The following PTPRT variants were observed in gnomAD, a reference collection of about 807,000 sequenced individuals.
The protein encoded by PTPRT is receptor-type tyrosine-protein phosphatase T.
A neutral mutation model predicts 176.8 loss-of-function variants in PTPRT; 56 were observed. The ratio of observed to expected loss-of-function variants is 0.32; its 90% CI spans 0.26 to 0.40. PTPRT has a LOEUF of 0.40. Among genes scored for constraint, PTPRT ranks in the 10% least tolerant of loss-of-function variants. PTPRT has a pLI of 1.00. For missense variants in PTPRT, 1,540 were observed against 1,908.2 expected (o/e 0.81, Z 3.60); for synonymous variants, 783 against 739.0 (o/e 1.06, Z -0.96).
At chr20:42,830,794 T>C (rs894589377) in intron 2 of PTPRT, among the ~76,000 whole-genome samples, 77 of 152,020 alleles carry the variant, frequency 5.1e-4, no homozygotes, top group African/African-American at 1.8e-3. Flanking sequence ...CCATTCACAA[T>C]TGCCACAAAA....
intron 9 of PTPRT, among the ~76,000 whole-genome samples, chr20:42,399,520 T>G (rs117106219): frequency 0.012 from 1,842 of 152,258 alleles, 16 homozygotes; most frequent in Non-Finnish European, 0.017. Flanking sequence ...AAAAATACAC[T>G]TACTCCTAGA....
intron 2 of PTPRT, among the ~76,000 whole-genome samples, chr20:42,845,264 G>T (rs184326788): frequency 5.0e-5 from 7 of 141,002 alleles, no homozygotes; most frequent in Admixed American, 1.5e-4. Context: ...AAGCTAAAGG[G>T]CTGTCTTGTG....
the PTPRT span, among the ~76,000 whole-genome samples, chr20:42,047,294 G>A: frequency 6.6e-6 from 1 of 152,162 alleles, no homozygotes; most frequent in Non-Finnish European, 1.5e-5. Flanking sequence ...TAGCAAATAG[G>A]AAACCTTGTT....
At chr20:43,150,147 G>A (rs1568813893) in intron 1 of PTPRT, among the ~76,000 whole-genome samples, 1 of 152,168 alleles carries the variant, frequency 6.6e-6, no homozygotes, top group Non-Finnish European at 1.5e-5. Flanking sequence ...AGAAGCCTGG[G>A]TAAGGCTGGG....
intron 27 of PTPRT, among the ~76,000 whole-genome samples, chr20:42,095,692 G>A (rs1159160315): frequency 1.3e-5 from 2 of 152,196 alleles, no homozygotes; most frequent in Non-Finnish European, 2.9e-5. Flanking sequence ...ATTAGAGAAT[G>A]TGTGTTGCTT....
chr20:43,070,302 G>A (rs1011940937), intron 1 of PTPRT, among the ~76,000 whole-genome samples: 4 of 152,176 alleles, frequency 2.6e-5, no homozygotes, highest in East Asian at 1.9e-4. Flanking sequence ...TTAGAATGGC[G>A]ATCATTAAAA....
intron 1 of PTPRT, among the ~76,000 whole-genome samples, chr20:42,893,169 A>G (rs898556494): frequency 5.9e-5 from 9 of 152,192 alleles, no homozygotes; most frequent in Non-Finnish European, 1.2e-4. Context: ...AATTTACAAG[A>G]AAAAAACAAC....
At chr20:42,708,686 T>C (rs2076098087) in intron 6 of PTPRT, among the ~76,000 whole-genome samples, 1 of 152,180 alleles carries the variant, frequency 6.6e-6, no homozygotes, top group Non-Finnish European at 1.5e-5. Context: ...CTTGAACAAG[T>C]TGCTTAACAT....
chr20:42,350,344 T>A (rs1163091069), intron 11 of PTPRT, among the ~76,000 whole-genome samples: 1 of 150,620 alleles, frequency 6.6e-6, no homozygotes, highest in Non-Finnish European at 1.5e-5. Flanking sequence ...TCTTTCCATA[T>A]CATCCTCTCG....
Position 42,080,941 on chromosome 20 carries a change from C to T in PTPRT, c.4273-9G>A, listed in dbSNP as rs189670814. The T allele has an allele frequency of 1.2e-4, 197 of 1,589,988 alleles. 2 individuals are homozygous for T. Among genetic ancestry groups the T allele is most frequent in the African/African-American group, 9.0e-4 (67 of 74,214 alleles). On this transcript the variant is annotated splice_polypyrimidine_tract_variant and intron_variant, in intron 30 of 30. Coordinates refer to ENST00000373187, the MANE Select transcript of PTPRT (RefSeq NM_007050.6). ...ACAAATTTATACTGTTCCTGAGAGG[C>T]GGAGAGGAGCAGAGGCAGAGAGGGA...
intron 1 of PTPRT, among the ~76,000 whole-genome samples, chr20:42,972,634 C>T (rs898690126): frequency 7.5e-6 from 1 of 133,604 alleles, no homozygotes; most frequent in South Asian, 2.5e-4. Flanking sequence ...CGTGTCCCTG[C>T]ACTCCAGCCT....
At chr20:42,206,695 G>A (rs1018678582) in intron 15 of PTPRT, among the ~76,000 whole-genome samples, 2 of 152,212 alleles carry the variant, frequency 1.3e-5, no homozygotes, top group Non-Finnish European at 2.9e-5. Context: ...AGGTGGCAGC[G>A]AGGCTGGGGG....
At chr20:43,173,101 C>G (rs571752042) in intron 1 of PTPRT, among the ~76,000 whole-genome samples, 1 of 151,940 alleles carries the variant, frequency 6.6e-6, no homozygotes. Flanking sequence ...CTCGAACTCC[C>G]GACCTCAGGT....
intron 22 of PTPRT, among the ~76,000 whole-genome samples, chr20:42,112,352 A>AC (rs1568942702): frequency 6.6e-6 from 1 of 152,104 alleles, no homozygotes; most frequent in East Asian, 1.9e-4. Flanking sequence ...CTGAACAGGA[A>AC]CCCCCCTCCC....
At chr20:42,995,231 G>A (rs1984156354) in intron 1 of PTPRT, among the ~76,000 whole-genome samples, 1 of 152,168 alleles carries the variant, frequency 6.6e-6, no homozygotes, top group Admixed American at 6.5e-5. Context: ...AGAAGTTCAG[G>A]AGCAGCTTAT....
chr20:42,297,563 G>A (rs1189718200), intron 12 of PTPRT, among the ~76,000 whole-genome samples: 1 of 152,144 alleles, frequency 6.6e-6, no homozygotes, highest in African/African-American at 2.4e-5. Context: ...CATGCAAGAA[G>A]AGCTAGAAAC....
intron 18 of PTPRT, among the ~76,000 whole-genome samples, chr20:42,140,554 C>T (rs1249407241): frequency 6.6e-6 from 1 of 152,208 alleles, no homozygotes; most frequent in Non-Finnish European, 1.5e-5. Flanking sequence ...ACCTGTCACA[C>T]ACAAGTTATT....
At chr20:42,378,801 T>G (rs1280225524) in intron 9 of PTPRT, among the ~76,000 whole-genome samples, 1 of 152,246 alleles carries the variant, frequency 6.6e-6, no homozygotes, top group Admixed American at 6.5e-5. Context: ...GCGCAGATAC[T>G]AATGGTATCC....
chr20:42,150,231 G>A (rs1448692470), intron 17 of PTPRT, among the ~76,000 whole-genome samples: 2 of 151,868 alleles, frequency 1.3e-5, no homozygotes, highest in African/African-American at 2.4e-5. Flanking sequence ...CCCAATTCAA[G>A]GCTGAGGGCG....
Sources: gnomAD v4.1 joint callset for allele counts (sites outside exome capture counted in the v4.1 genomes callset) on GRCh38, gnomAD v4.1.1 for gene constraint, MANE v1.5 for transcripts, NCBI Gene and HGNC (gene_info 2026-07-23, HGNC 2026-07-21) for gene names.